NEGR1: variants seen among roughly 807,000 people sequenced by gnomAD.
NEGR1 encodes IgLON family member 4.
A neutral mutation model predicts 40.9 loss-of-function variants in NEGR1; 10 were observed. The ratio of observed to expected loss-of-function variants is 0.24; its 90% CI spans 0.15 to 0.42. NEGR1 has a LOEUF of 0.42. Among genes scored for constraint, NEGR1 ranks in the 10% least tolerant of loss-of-function variants. NEGR1 has a pLI of 1.00. For synonymous variants in NEGR1, 185 were observed against 166.8 expected (o/e 1.11, Z -0.84); for missense variants, 352 against 438.9 (o/e 0.80, Z 1.77).
At chr1:72,246,527 A>C (rs976353563) in intron 1 of NEGR1, among the ~76,000 whole-genome samples, 5 of 152,252 alleles carry the variant, frequency 3.3e-5, no homozygotes, top group African/African-American at 1.2e-4. Flanking sequence ...TCTTCTCTGT[A>C]AACTTTGACC....
At chr1:71,505,490 C>T (rs974031953) in intron 6 of NEGR1, among the ~76,000 whole-genome samples, 1 of 152,034 alleles carries the variant, frequency 6.6e-6, no homozygotes, top group Non-Finnish European at 1.5e-5. Flanking sequence ...ACCGTGTTAG[C>T]CAGAATGGTC....
At chr1:72,123,068 T>G (rs1017463816) in intron 1 of NEGR1, among the ~76,000 whole-genome samples, 1 of 151,974 alleles carries the variant, frequency 6.6e-6, no homozygotes, top group Admixed American at 6.6e-5. Flanking sequence ...AGAAATTTTA[T>G]TTAGGGAGCA....
chr1:72,042,248 G>C (rs1646963399), intron 1 of NEGR1, among the ~76,000 whole-genome samples: 1 of 151,600 alleles, frequency 6.6e-6, no homozygotes, highest in Non-Finnish European at 1.5e-5. Context: ...CAGAGCAAGG[G>C]GTCTTAAGTG....
chr1:71,888,762 C>A (rs1242333432), intron 2 of NEGR1, among the ~76,000 whole-genome samples: 1 of 66,234 alleles, frequency 1.5e-5, no homozygotes, highest in African/African-American at 6.3e-5. Context: ...CCTCTGGGGG[C>A]AGGGCACAGA....
intron 1 of NEGR1, among the ~76,000 whole-genome samples, chr1:72,032,033 A>AG (rs1646862955): frequency 6.6e-6 from 1 of 152,162 alleles, no homozygotes; most frequent in Non-Finnish European, 1.5e-5. Flanking sequence ...GCTTACCCAA[A>AG]CTCACAGAGC....
At chr1:72,068,936 A>G (rs1032495936) in intron 1 of NEGR1, among the ~76,000 whole-genome samples, 1 of 152,176 alleles carries the variant, frequency 6.6e-6, no homozygotes, top group Non-Finnish European at 1.5e-5. Context: ...AATTAAGGAT[A>G]TATATTAAAC....
At chr1:71,731,051 T>A (rs1391203048) in intron 3 of NEGR1, among the ~76,000 whole-genome samples, 1 of 152,112 alleles carries the variant, frequency 6.6e-6, no homozygotes, top group Non-Finnish European at 1.5e-5. Flanking sequence ...GCATTGAGGC[T>A]CAGAAAGCAC....
chr1:71,870,646 T>C (rs1660254332), intron 2 of NEGR1, among the ~76,000 whole-genome samples: 1 of 152,218 alleles, frequency 6.6e-6, no homozygotes, highest in Admixed American at 6.5e-5. Flanking sequence ...AAAGATTAAG[T>C]AATACTTTTA....
At chr1:71,476,161 T>A (rs545515552) in intron 6 of NEGR1, among the ~76,000 whole-genome samples, 14 of 152,106 alleles carry the variant, frequency 9.2e-5, no homozygotes, top group Admixed American at 5.2e-4. Context: ...TTTCCTGATA[T>A]CAACCTGGTT....
At chr1:72,271,421 T>C (rs913279546) in intron 1 of NEGR1, among the ~76,000 whole-genome samples, 1 of 151,860 alleles carries the variant, frequency 6.6e-6, no homozygotes, top group African/African-American at 2.4e-5. Flanking sequence ...ATTTTCATTA[T>C]ACATCATTTT....
At chr1:71,521,420 C>T (rs1001952216) in intron 6 of NEGR1, among the ~76,000 whole-genome samples, 2 of 152,008 alleles carry the variant, frequency 1.3e-5, no homozygotes, top group Non-Finnish European at 2.9e-5. Context: ...ACAGGGGCCA[C>T]ATCTTTTTCA....
intron 1 of NEGR1, among the ~76,000 whole-genome samples, chr1:72,142,071 A>T (rs1459139029): frequency 6.6e-6 from 1 of 151,938 alleles, no homozygotes; most frequent in Non-Finnish European, 1.5e-5. Context: ...CCCTTTAACA[A>T]AGCATCTCCG....
intron 1 of NEGR1, among the ~76,000 whole-genome samples, chr1:72,040,071 A>G (rs1446623878): frequency 3.9e-5 from 6 of 151,998 alleles, no homozygotes; most frequent in African/African-American, 1.2e-4. Context: ...TTCAATAATT[A>G]TCCTTCCTGA....
intron 2 of NEGR1, among the ~76,000 whole-genome samples, chr1:71,929,630 T>C (rs1388240380): frequency 6.6e-6 from 1 of 152,194 alleles, no homozygotes; most frequent in East Asian, 1.9e-4. Flanking sequence ...TTTGGTTTCA[T>C]TTTTTGACTT....
At chr1:71,617,933 T>C (rs762872817) in intron 4 of NEGR1, among the ~76,000 whole-genome samples, 6 of 152,158 alleles carry the variant, frequency 3.9e-5, no homozygotes, top group African/African-American at 7.2e-5. Flanking sequence ...TTCAGTGACA[T>C]AGAATGGGTC....
intron 4 of NEGR1, among the ~76,000 whole-genome samples, chr1:71,660,778 G>A (rs1453391157): frequency 6.6e-6 from 1 of 152,060 alleles, no homozygotes; most frequent in Admixed American, 6.6e-5. Flanking sequence ...GTATACACGT[G>A]CCATGGTGGT....
chr1:71,490,020 T>G (rs1646916090), intron 6 of NEGR1: 1 of 152,012 alleles, frequency 6.6e-6, no homozygotes, highest in African/African-American at 2.4e-5. Context: ...CTATATAACC[T>G]ACTTAAAATT....
At chr1:71,600,655 T>C (rs557551217) in intron 5 of NEGR1, among the ~76,000 whole-genome samples, 1 of 152,286 alleles carries the variant, frequency 6.6e-6, no homozygotes, top group Admixed American at 6.5e-5. Context: ...TAGCCACAGC[T>C]CCTGTTGTGT....
chr1:72,181,753 AG>A (rs1652379575), intron 1 of NEGR1, among the ~76,000 whole-genome samples: 2 of 152,178 alleles, frequency 1.3e-5, no homozygotes, highest in South Asian at 4.1e-4. Flanking sequence ...GGATGAACCC[AG>A]AGGACATTAT....
Sources: allele counts gnomAD v4.1 joint callset (sites outside exome capture counted in the v4.1 genomes callset), GRCh38; gene constraint gnomAD v4.1.1; transcripts MANE v1.5; gene names NCBI Gene and HGNC (gene_info 2026-07-23, HGNC 2026-07-21).